The following SLC2A13 variants were observed in gnomAD, a reference collection of about 807,000 sequenced individuals.
The protein encoded by SLC2A13 is solute carrier family 2 member 13.
SLC2A13 carries 32 observed loss-of-function variants against 64.4 expected under a neutral mutation model. That is an observed-to-expected ratio of 0.50 (90% CI 0.37 to 0.67). The LOEUF is 0.67. SLC2A13 is among the 30% of genes least tolerant of loss of function. SLC2A13 has a pLI of 0.00. For missense variants in SLC2A13, 743 were observed against 829.2 expected (o/e 0.90, Z 1.28); for synonymous variants, 338 against 327.1 (o/e 1.03, Z -0.36).
intron 5 of SLC2A13, among the ~76,000 whole-genome samples, chr12:39,867,448 T>A (rs1293811041): frequency 2.0e-5 from 3 of 152,080 alleles, no homozygotes; most frequent in Non-Finnish European, 4.4e-5. Context: ...CAATGTTGGC[T>A]ATTTTTGAAA....
intron 3 of SLC2A13, among the ~76,000 whole-genome samples, chr12:39,957,790 G>T (rs920012620): frequency 6.6e-6 from 1 of 151,950 alleles, no homozygotes; most frequent in East Asian, 1.9e-4. Context: ...TGTCTCTCTG[G>T]CCAAGAATCC....
chr12:40,043,711 T>C (rs987126825), intron 2 of SLC2A13, among the ~76,000 whole-genome samples: 2 of 151,650 alleles, frequency 1.3e-5, no homozygotes, highest in South Asian at 4.2e-4. Flanking sequence ...TCTGCCATCT[T>C]TGTCAACACT....
chr12:39,983,081 G>T (rs1454008853), intron 3 of SLC2A13, among the ~76,000 whole-genome samples: 1 of 151,312 alleles, frequency 6.6e-6, no homozygotes, highest in African/African-American at 2.4e-5. Context: ...ATGGGGAAAG[G>T]ATCCCCTATT....
intron 3 of SLC2A13, among the ~76,000 whole-genome samples, chr12:39,975,844 T>C (rs771689833): frequency 1.3e-5 from 2 of 150,298 alleles, no homozygotes; most frequent in Non-Finnish European, 2.9e-5. Flanking sequence ...AAATGTTCAA[T>C]AACGTATATT....
At chr12:39,885,100 A>C (rs1488656973) in intron 4 of SLC2A13, among the ~76,000 whole-genome samples, 1 of 152,198 alleles carries the variant, frequency 6.6e-6, no homozygotes, top group Non-Finnish European at 1.5e-5. Flanking sequence ...CCTTTCAGGC[A>C]GGGGGCTGAT....
At chr12:39,973,220 A>C (rs1198110855) in intron 3 of SLC2A13, among the ~76,000 whole-genome samples, 1 of 152,176 alleles carries the variant, frequency 6.6e-6, no homozygotes, top group African/African-American at 2.4e-5. Context: ...AAGCAGATTC[A>C]ATGATCAAGT....
At chr12:39,898,431 T>A (rs1944985931) in intron 4 of SLC2A13, among the ~76,000 whole-genome samples, 2 of 152,084 alleles carry the variant, frequency 1.3e-5, no homozygotes, top group Non-Finnish European at 2.9e-5. Flanking sequence ...AAATAACCAG[T>A]GTTTGTGTGT....
At chr12:39,978,334 T>C (rs532673792) in intron 3 of SLC2A13, among the ~76,000 whole-genome samples, 13 of 152,268 alleles carry the variant, frequency 8.5e-5, no homozygotes, top group Admixed American at 5.2e-4. Context: ...GATGGCCGAA[T>C]AGGAACAGCT....
At chr12:39,760,760 T>C (rs1235675323) in intron 9 of SLC2A13, among the ~76,000 whole-genome samples, 1 of 152,020 alleles carries the variant, frequency 6.6e-6, no homozygotes, top group Non-Finnish European at 1.5e-5. Context: ...AGATTATGCA[T>C]GTCAATGCAG....
intron 3 of SLC2A13, among the ~76,000 whole-genome samples, chr12:39,981,214 A>C (rs1946886866): frequency 6.7e-6 from 1 of 150,226 alleles, no homozygotes; most frequent in Non-Finnish European, 1.5e-5. Context: ...TGCCCACAAG[A>C]GAAAGCAGGA....
chr12:39,964,866 C>T (rs1214044164), intron 3 of SLC2A13, among the ~76,000 whole-genome samples: 1 of 152,136 alleles, frequency 6.6e-6, no homozygotes, highest in Non-Finnish European at 1.5e-5. Context: ...GCTGCTGAAC[C>T]TGCTTTCAGT....
intron 6 of SLC2A13, among the ~76,000 whole-genome samples, chr12:39,849,363 G>A (rs773869100): frequency 6.6e-6 from 1 of 152,066 alleles, no homozygotes; most frequent in Non-Finnish European, 1.5e-5. Flanking sequence ...TGACCTAAAA[G>A]TCTCAGAGTT....
intron 4 of SLC2A13, among the ~76,000 whole-genome samples, chr12:39,941,272 C>T (rs1269200582): frequency 6.6e-6 from 1 of 152,120 alleles, no homozygotes; most frequent in Non-Finnish European, 1.5e-5. Flanking sequence ...ACTTATTTTC[C>T]TCTGGGTAGA....
chr12:39,813,813 G>T (rs1209563306), intron 7 of SLC2A13, among the ~76,000 whole-genome samples: 2 of 152,136 alleles, frequency 1.3e-5, no homozygotes, highest in Non-Finnish European at 2.9e-5. Context: ...CAATTAAAAA[G>T]ATGTAATTGG....
At chr12:39,778,995 G>A (rs970652549) in intron 7 of SLC2A13, among the ~76,000 whole-genome samples, 2 of 152,046 alleles carry the variant, frequency 1.3e-5, no homozygotes, top group African/African-American at 4.8e-5. Context: ...TAACTAGGGA[G>A]TCAGAACCAG....
chr12:40,054,689 C>T (rs1018644969), intron 1 of SLC2A13, among the ~76,000 whole-genome samples: 1 of 152,330 alleles, frequency 6.6e-6, no homozygotes, highest in East Asian at 1.9e-4. Flanking sequence ...TTCACCATCT[C>T]AACAGCACAA....
chr12:39,809,440 A>G (rs1371056357), intron 7 of SLC2A13, among the ~76,000 whole-genome samples: 1 of 152,148 alleles, frequency 6.6e-6, no homozygotes, highest in Non-Finnish European at 1.5e-5. Context: ...AGAACTGTTT[A>G]TAGGGATTAT....
chr12:39,840,789 C>T (rs1943160276), intron 6 of SLC2A13, among the ~76,000 whole-genome samples: 1 of 152,054 alleles, frequency 6.6e-6, no homozygotes, highest in African/African-American at 2.4e-5. Context: ...TGCATTGTGA[C>T]CTTCTCAAGA....
chr12:39,784,394 A>G (rs1177422758), intron 7 of SLC2A13, among the ~76,000 whole-genome samples: 1 of 152,224 alleles, frequency 6.6e-6, no homozygotes, highest in Non-Finnish European at 1.5e-5. Flanking sequence ...ACAATGGAAC[A>G]GAACAGAGCC....
Sources: gnomAD v4.1 joint callset for allele counts (sites outside exome capture counted in the v4.1 genomes callset) on GRCh38, gnomAD v4.1.1 for gene constraint, MANE v1.5 for transcripts, NCBI Gene and HGNC (gene_info 2026-07-23, HGNC 2026-07-21) for gene names.